Variants in FLRT3 observed in about 807,000 individuals in gnomAD.
FLRT3 encodes fibronectin leucine rich transmembrane protein 3, also known as leucine-rich repeat transmembrane protein FLRT3.
FLRT3 carries 17 observed loss-of-function variants against 42.6 expected under a neutral mutation model. The ratio of observed to expected loss-of-function variants is 0.40; its 90% CI spans 0.27 to 0.60. The LOEUF is 0.60. Among genes scored for constraint, FLRT3 ranks in the 20% least tolerant of loss-of-function variants. The probability of loss-of-function intolerance (pLI) is 0.44; values close to 1 mark genes in which losing one functional copy is unlikely to be tolerated. For missense variants in FLRT3, 635 were observed against 789.2 expected, an observed-to-expected ratio of 0.80 and a Z score of 2.34; for synonymous variants, 279 against 286.4, an observed-to-expected ratio of 0.97 and a Z score of 0.26.
Position 14,326,377 on chromosome 20 carries a change from G to T in FLRT3, c.1130C>A (p.Ala377Asp). Residue 377 changes from alanine (A) to aspartate (D), a missense_variant, in exon 3 of 3, where the codon GCC becomes GAC. Coordinates refer to ENST00000341420, the MANE Select transcript of FLRT3 (RefSeq NM_198391.3). The surrounding 1 kb of genome is among the most constrained non-coding windows in gnomAD (Gnocchi z 5.5). Reference sequence around the variant, plus strand: ...CACTGGAGCTGGCCACTGTCCTTGGGCAGGATACACTGTGTTGGGTATTGC... The same window carrying T: ...CACTGGAGCTGGCCACTGTCCTTGGTCAGGATACACTGTGTTGGGTATTGC... Reference protein sequence around the residue: ...TTAIPNTVYPAQGQWPAPVTK... With the variant: ...TTAIPNTVYPDQGQWPAPVTK... 1 of 1,613,896 alleles carries T rather than the reference G, an allele frequency of 6.2e-7. No homozygotes were observed. Among genetic ancestry groups the T allele is most frequent in the Non-Finnish European group, 8.5e-7 (1 of 1,179,876 alleles).
At chr20:14,334,940 T>A (rs1397994657) in intron 1 of FLRT3, among the ~76,000 whole-genome samples, 2 of 152,110 alleles carry the variant, frequency 1.3e-5, no homozygotes, top group African/African-American at 4.8e-5. Flanking sequence ...GCATAGAAGT[T>A]AAGAAATGAC....
Position 14,325,558 on chromosome 20 carries a change from C to A in FLRT3, c.1949G>T (p.Ter650LeuextTer2). 6.2e-7 allele frequency: 1 copy of A among 1,606,646 alleles called. No homozygotes were observed. The change falls in exon 3 of 3, where the codon TGA becomes TTA. Residue 650 changes from the stop codon to leucine (L), a stop_lost. Transcript: ENST00000341420. ...GIPDSDHSHS[*>L] ...AAGTCTGCTGTGAGTCCTTCAGCAT[C>A]ATGAGTGTGAGTGATCTGAGTCTGG...
In FLRT3 at chr20:14,326,815, G is replaced by A; in HGVS notation, c.692C>T (p.Ser231Phe). 6.2e-7 allele frequency: 1 copy of A among 1,613,764 alleles called. No homozygotes were observed. Among genetic ancestry groups the A allele is most frequent in the Non-Finnish European group, 8.5e-7 (1 of 1,179,802 alleles). Residue 231 changes from serine (S) to phenylalanine (F), a missense_variant, in exon 3 of 3, where the codon TCC (serine) becomes TTC (phenylalanine). Coordinates refer to ENST00000341420, the MANE Select transcript of FLRT3 (RefSeq NM_198391.3). The surrounding 1 kb of genome is among the most constrained non-coding windows in gnomAD (Gnocchi z 5.5). ...AGCAGTCAGGGAATTCCGCACCAGG[G>A]ACAGCTCTGTCAAATTAACTAGGTT... is the stretch of plus-strand genomic sequence containing the variant. ...FFNLVNLTEL[S>F]LVRNSLTAAP...
At chr20:14,332,485 G>A (rs1231107073) in intron 1 of FLRT3, among the ~76,000 whole-genome samples, 1 of 152,056 alleles carries the variant, frequency 6.6e-6, no homozygotes, top group Non-Finnish European at 1.5e-5. Context: ...TTAAGATGAA[G>A]CTGTATAATA....
At chr20:14,329,818 T>C (rs564555064) in intron 1 of FLRT3, among the ~76,000 whole-genome samples, 1 of 152,136 alleles carries the variant, frequency 6.6e-6, no homozygotes, top group East Asian at 1.9e-4. Context: ...TTTCTTTTGA[T>C]TTGCTTAGTG....
At chr20:14,334,273 C>T (rs189810931) in intron 1 of FLRT3, among the ~76,000 whole-genome samples, 6 of 152,146 alleles carry the variant, frequency 3.9e-5, no homozygotes, top group Admixed American at 2.0e-4. Flanking sequence ...TGAGTGATGT[C>T]GATCTGTATT....
chr20:14,327,593 A>AT (rs1241391201), intron 2 of FLRT3, 35 bp from the exon 3 acceptor site: 12 of 1,388,574 alleles, frequency 8.6e-6, no homozygotes, highest in Non-Finnish European at 1.1e-5. Context: ...ACAGAAAACA[A>AT]TAAGGCCAGC....
chr20:14,326,880 G>A lies in FLRT3; in HGVS notation c.627C>T (p.Asn209=). The change falls in exon 3 of 3, where the codon AAC becomes AAT. Residue 209 remains asparagine (N), a synonymous_variant. Transcript: ENST00000341420. The surrounding 1 kb of genome is among the most constrained non-coding windows in gnomAD (Gnocchi z 5.5). ...TSLKRLVLDG[N]LLNNHGLGDK... ...CACCTAAACCATGATTGTTCAACAGGTTTCCATCTAGAACCAGGCGTTTTA... is the reference window on the plus strand; with the variant it reads ...CACCTAAACCATGATTGTTCAACAGATTTCCATCTAGAACCAGGCGTTTTA... 1 of 1,613,760 alleles carries A rather than the reference G, an allele frequency of 6.2e-7. No individual in the cohort carries two copies. Among genetic ancestry groups the A allele is most frequent in the East Asian group, 2.2e-5 (1 of 44,864 alleles).
At chr20:14,334,001 A>G (rs147468843) in intron 1 of FLRT3, among the ~76,000 whole-genome samples, 151 of 152,334 alleles carry the variant, frequency 9.9e-4, no homozygotes, top group Non-Finnish European at 1.8e-3. Flanking sequence ...AGTGAGAGCA[A>G]TTTCTCCCTC....
chr20:14,332,452 A>G (rs1454445270), intron 1 of FLRT3, among the ~76,000 whole-genome samples: 1 of 152,102 alleles, frequency 6.6e-6, no homozygotes, highest in Non-Finnish European at 1.5e-5. Context: ...GGTATTTCTT[A>G]TGTTTTGAGA....
chr20:14,332,052 A>C (rs575659988), intron 1 of FLRT3, among the ~76,000 whole-genome samples: 1 of 152,322 alleles, frequency 6.6e-6, no homozygotes, highest in East Asian at 1.9e-4. Flanking sequence ...GGAATGTTTA[A>C]AAACATTTTT....
In FLRT3 at chr20:14,327,215, A is replaced by T; in HGVS notation, c.292T>A (p.Phe98Ile). ...ACATACTTTGGGAGGTTGGTAGGAA[A>T]TTCATCTAAACTGTTGTGGTATAGG... ...IYLYHNSLDE[F>I]PTNLPKYVKE... The change falls in exon 3 of 3, where the codon TTT (phenylalanine) becomes ATT (isoleucine). Residue 98 changes from phenylalanine (F) to isoleucine (I), a missense_variant. By Grantham distance (21) the Phe-to-Ile change is conservative. Transcript: ENST00000341420. 6.2e-7 allele frequency: 1 copy of T among 1,613,646 alleles called. No individual in the cohort carries two copies. The highest frequency in any genetic ancestry group is 8.5e-7 in the Non-Finnish European group (1 of 1,179,722).
chr20:14,326,839 T>C lies in FLRT3; in HGVS notation c.668A>G (p.Asn223Ser), dbSNP rs1235627519. The C allele has an allele frequency of 6.2e-7, 1 of 1,613,738 alleles. No homozygotes were observed. Among genetic ancestry groups the C allele is most frequent in the East Asian group, 2.2e-5 (1 of 44,842 alleles). ...GGACAGCTCTGTCAAATTAACTAGG[T>C]TGAAGAAAACTTTGTCACCTAAACC... ...NHGLGDKVFF[N>S]LVNLTELSLV... The change falls in exon 3 of 3, where the codon AAC becomes AGC. Residue 223 changes from asparagine to serine, a missense_variant. Transcript: ENST00000341420. The surrounding 1 kb of genome is among the most constrained non-coding windows in gnomAD (Gnocchi z 5.5).
In FLRT3 at chr20:14,323,740, A is replaced by C. The variant is rs186601695; in HGVS notation, c.*1817T>G. On this transcript the variant is annotated 3_prime_UTR_variant, in exon 3 of 3. Coordinates refer to ENST00000341420, the MANE Select transcript of FLRT3 (RefSeq NM_198391.3). Reference sequence around the variant, plus strand: ...ATTTTAGGAGTTGTATGCCAGAAACAGGGACAAAGAGAAAGTGTGTATTTC... The same window carrying C: ...ATTTTAGGAGTTGTATGCCAGAAACCGGGACAAAGAGAAAGTGTGTATTTC... 25 of 152,310 alleles carry C rather than the reference A, an allele frequency of 1.6e-4. 1 individual carries two copies. The highest frequency in any genetic ancestry group is 5.3e-4 in the African/African-American group (22 of 41,578). 9.4% of individuals were successfully genotyped at this position (152,310 alleles called of 1,614,324 possible). A position where few individuals can be genotyped will look rare whatever the true frequency, so the allele number is the denominator to read the frequency against.
chr20:14,336,641 A>G (rs934209105), intron 1 of FLRT3, among the ~76,000 whole-genome samples: 15 of 152,176 alleles, frequency 9.9e-5, no homozygotes, highest in African/African-American at 3.4e-4. Flanking sequence ...CACTGCATAC[A>G]TCAGGCATAG....
chr20:14,324,054 G>A lies in FLRT3; in HGVS notation c.*1503C>T, dbSNP rs79295487. On this transcript the variant is annotated 3_prime_UTR_variant, in exon 3 of 3. Transcript: ENST00000341420. The stretch of plus-strand genomic sequence containing the variant: ...TTATGCCTAGAAAAATACATGGGAC[G>A]TTTAGGACTAATGTGCTGGGCAATT... 2,297 of 152,474 alleles carry A rather than the reference G, an allele frequency of 0.015. 24 individuals carry two copies. The highest frequency in any genetic ancestry group is 0.027 in the African/African-American group (1,118 of 41,526). 9.4% of individuals were successfully genotyped at this position (152,474 alleles called of 1,614,324 possible). A position where few individuals can be genotyped will look rare whatever the true frequency, so the allele number is the denominator to read the frequency against.
intron 1 of FLRT3, among the ~76,000 whole-genome samples, chr20:14,332,628 C>G (rs1269807590): frequency 6.6e-6 from 1 of 152,074 alleles, no homozygotes; most frequent in African/African-American, 2.4e-5. Flanking sequence ...TTAATGATTT[C>G]TCTCACAGAA....
chr20:14,334,621 C>G (rs1426371514), intron 1 of FLRT3, among the ~76,000 whole-genome samples: 6 of 125,534 alleles, frequency 4.8e-5, no homozygotes, highest in African/African-American at 1.8e-4. Context: ...CAAAGCCTCC[C>G]GTTGAGAAGA....
At chr20:14,329,442 T>G (rs938400724) in intron 1 of FLRT3, 115 bp from the exon 2 acceptor site, 1 of 152,100 alleles carries the variant, frequency 6.6e-6, no homozygotes, top group African/African-American at 2.4e-5. Context: ...ATCATAGTGG[T>G]TAGTCAGAAG....
Sources: gnomAD v4.1 joint callset for allele counts (sites outside exome capture counted in the v4.1 genomes callset) on GRCh38, gnomAD v4.1.1 for gene constraint, Gnocchi (gnomAD v3.1) non-coding constraint, MANE v1.5 for transcripts, NCBI Gene and HGNC (gene_info 2026-07-23, HGNC 2026-07-21) for gene names.